The following PSPC1 variants were observed in gnomAD, a reference collection of about 807,000 sequenced individuals.
The protein encoded by PSPC1 is paraspeckle component 1, also known as paraspeckle protein 1.
In PSPC1, 14 loss-of-function variants were observed where a neutral mutation model predicts 51.6. The ratio of observed to expected loss-of-function variants is 0.27; its 90% CI spans 0.18 to 0.42. PSPC1 has a LOEUF of 0.42. Among genes scored for constraint, PSPC1 ranks in the 10% least tolerant of loss-of-function variants. The pLI is 1.00. For synonymous variants in PSPC1, 193 were observed against 231.9 expected (o/e 0.83, Z 1.53); for missense variants, 406 against 701.1 (o/e 0.58, Z 4.75).
chr13:19,677,921 G>A, intron 6 of PSPC1: 1 of 438,966 alleles, frequency 2.3e-6, no homozygotes, highest in Non-Finnish European at 4.6e-6. Context: ...ATTCATAACA[G>A]TAATTGAGGT....
In PSPC1 at chr13:19,705,651, T is replaced by C; in HGVS notation, c.1386+11A>G. Reference sequence around the variant, plus strand: ...CTGAATATAATCAAAATAATGTTTATGATACATTACCACTGCTCCATTATC... The same window carrying C: ...CTGAATATAATCAAAATAATGTTTACGATACATTACCACTGCTCCATTATC... On this transcript the variant is annotated intron_variant, in intron 8 of 8. Coordinates refer to ENST00000338910, the MANE Select transcript of PSPC1 (RefSeq NM_001354909.2). The C allele has an allele frequency of 6.3e-7, 1 of 1,577,198 alleles. No individual in the cohort carries two copies.
intron 1 of PSPC1, among the ~76,000 whole-genome samples, chr13:19,778,240 C>CAAAA (rs879620982): frequency 8.2e-6 from 1 of 122,136 alleles, no homozygotes; most frequent in Admixed American, 8.2e-5. Flanking sequence ...GATTCCGTCT[C>CAAAA]AAAAAAAAAA....
chr13:19,768,047 A>C (rs142111491), intron 2 of PSPC1, among the ~76,000 whole-genome samples: 3 of 151,818 alleles, frequency 2.0e-5, no homozygotes, highest in East Asian at 3.9e-4. Context: ...GCAAGACCTC[A>C]TATCTACTTT....
At chr13:19,713,217 C>T (rs1881657591) in intron 6 of PSPC1, among the ~76,000 whole-genome samples, 1 of 152,052 alleles carries the variant, frequency 6.6e-6, no homozygotes, top group Non-Finnish European at 1.5e-5. Context: ...TATTACATTA[C>T]AAAAAATTAA....
intron 1 of PSPC1, among the ~76,000 whole-genome samples, chr13:19,778,059 T>C (rs1330456707): frequency 1.3e-5 from 2 of 151,812 alleles, no homozygotes; most frequent in African/African-American, 4.8e-5. Context: ...CTGGCCAACA[T>C]GGTGAAACCC....
At chr13:19,770,383 G>A (rs1888513128) in intron 2 of PSPC1, among the ~76,000 whole-genome samples, 1 of 152,198 alleles carries the variant, frequency 6.6e-6, no homozygotes. Context: ...AGCTCAGCCG[G>A]GTGAAGTGGC....
chr13:19,718,857 C>G (rs1882430632), intron 6 of PSPC1, among the ~76,000 whole-genome samples: 1 of 152,256 alleles, frequency 6.6e-6, no homozygotes, highest in African/African-American at 2.4e-5. Context: ...TGCCAGGTGA[C>G]TAGAAGCCAA....
rs1223913805 is a variant in PSPC1 at position 19,768,141 on chromosome 13, T to C, written c.674+4101A>G. 4.0e-5 allele frequency among the ~76,000 whole-genome samples: 6 copies of C among 151,686 alleles called. No homozygotes were observed. The East Asian group carries it at 9.7e-4, about 25-fold the overall frequency. On this transcript the variant is annotated intron_variant, in intron 2 of 8. Transcript: ENST00000338910. The stretch of plus-strand genomic sequence containing the variant: ...TCAGCAGGCTGAGGAAGGAGAATCA[T>C]TTGAGCCCAGGAGGTCAAGGCTGCA...
In PSPC1 at chr13:19,781,728, C is replaced by T. The variant is rs562166835; in HGVS notation, c.372+658G>A. 1.3e-4 allele frequency among the ~76,000 whole-genome samples: 20 copies of T among 152,226 alleles called. 1 individual carries two copies. The East Asian group carries it at 3.9e-3, about 29-fold the overall frequency. On this transcript the variant is annotated intron_variant, in intron 1 of 8. Coordinates refer to ENST00000338910, the MANE Select transcript of PSPC1 (RefSeq NM_001354909.2). ...GGCCAAGGCAGGAGGATCGCTCGTG[C>T]TCAGGAGTTCGAGACCAGCCTGGGC...
chr13:19,710,310 G>T (rs936833840), intron 6 of PSPC1, among the ~76,000 whole-genome samples: 1 of 152,160 alleles, frequency 6.6e-6, no homozygotes, highest in African/African-American at 2.4e-5. Flanking sequence ...TACAGAAACT[G>T]CTTCCTAAAA....
At chr13:19,738,347 C>T (rs898904650) in intron 5 of PSPC1, among the ~76,000 whole-genome samples, 5 of 152,040 alleles carry the variant, frequency 3.3e-5, no homozygotes, top group African/African-American at 1.2e-4. Flanking sequence ...CCAGAACCTC[C>T]CCCAGATACC....
intron 3 of PSPC1, among the ~76,000 whole-genome samples, chr13:19,758,048 C>T (rs951864878): frequency 1.3e-5 from 2 of 152,114 alleles, no homozygotes; most frequent in Non-Finnish European, 2.9e-5. Flanking sequence ...GGTGCGGTGG[C>T]TCACGCCTGT....
intron 3 of PSPC1, among the ~76,000 whole-genome samples, chr13:19,757,458 G>C (rs542538686): frequency 2.6e-4 from 39 of 152,290 alleles, no homozygotes; most frequent in African/African-American, 9.4e-4. Context: ...CAGAAAAAAA[G>C]ACCATCGGTC....
chr13:19,721,747 G>A (rs1412030927), intron 6 of PSPC1, among the ~76,000 whole-genome samples: 1 of 152,156 alleles, frequency 6.6e-6, no homozygotes, highest in African/African-American at 2.4e-5. Context: ...CTTCCAAAAT[G>A]GAAACCTCCC....
At chr13:19,779,672 G>A (rs545854886) in intron 1 of PSPC1, among the ~76,000 whole-genome samples, 1 of 88,208 alleles carries the variant, frequency 1.1e-5, no homozygotes, top group Admixed American at 1.0e-4. Flanking sequence ...CGCCCCGTCC[G>A]GGAGGGAGGT....
At chr13:19,728,961 AT>A (rs1883708926) in intron 6 of PSPC1, among the ~76,000 whole-genome samples, 2 of 152,194 alleles carry the variant, frequency 1.3e-5, no homozygotes, top group South Asian at 2.1e-4. Context: ...TCAGAAAAAA[AT>A]ATTTTAAGTT....
At chr13:19,681,727 C>G (rs1877287501) in intron 6 of PSPC1, among the ~76,000 whole-genome samples, 2 of 152,178 alleles carry the variant, frequency 1.3e-5, no homozygotes, top group South Asian at 4.1e-4. Flanking sequence ...TCCATGTTAT[C>G]TAACATAACC....
chr13:19,768,136 A>G (rs1888246926), intron 2 of PSPC1, among the ~76,000 whole-genome samples: 1 of 151,944 alleles, frequency 6.6e-6, no homozygotes, highest in African/African-American at 2.4e-5. Flanking sequence ...GAGGAAGGAG[A>G]ATCATTTGAG....
intron 4 of PSPC1, among the ~76,000 whole-genome samples, chr13:19,748,166 C>G (rs1886182281): frequency 6.6e-6 from 1 of 151,354 alleles, no homozygotes; most frequent in African/African-American, 2.4e-5. Flanking sequence ...CTACAATGAG[C>G]TGAAGTTGCA....
Sources: gnomAD v4.1 joint callset for allele counts (sites outside exome capture counted in the v4.1 genomes callset) on GRCh38, gnomAD v4.1.1 for gene constraint, MANE v1.5 for transcripts, NCBI Gene and HGNC (gene_info 2026-07-23, HGNC 2026-07-21) for gene names.